The following ATXN1 variants were observed in gnomAD, a reference collection of about 807,000 sequenced individuals.
The protein encoded by ATXN1 is ataxin 1, also known as ataxin-1.
In ATXN1, 8 loss-of-function variants were observed where a neutral mutation model predicts 56.4. The ratio of observed to expected loss-of-function variants is 0.14; its 90% CI spans 0.08 to 0.26. ATXN1 has a LOEUF of 0.26. Among genes scored for constraint, ATXN1 ranks in the 10% least tolerant of loss-of-function variants. The pLI, the probability that ATXN1 is intolerant of heterozygous loss-of-function variation, is 1.00. For synonymous variants in ATXN1, 514 were observed against 494.6 expected (o/e 1.04, Z -0.52); for missense variants, 987 against 1,106.5 (o/e 0.89, Z 1.53).
chr6:16,674,981 A>C (rs1450193656), intron 2 of ATXN1, among the ~76,000 whole-genome samples: 1 of 152,220 alleles, frequency 6.6e-6, no homozygotes, highest in Non-Finnish European at 1.5e-5. Context: ...ACAAAGCAGT[A>C]AACTGGAAAC....
intron 4 of ATXN1, among the ~76,000 whole-genome samples, chr6:16,552,551 TA>T (rs1313562765): frequency 6.6e-6 from 1 of 152,220 alleles, no homozygotes; most frequent in Non-Finnish European, 1.5e-5. Context: ...TTTCTGGACA[TA>T]GCTTCCAACA....
chr6:16,571,577 G>C (rs1005136236), intron 4 of ATXN1, among the ~76,000 whole-genome samples: 1 of 151,698 alleles, frequency 6.6e-6, no homozygotes, highest in Non-Finnish European at 1.5e-5. Context: ...CTGTAACCTT[G>C]AACTCCTGGG....
At chr6:16,659,009 T>C (rs1369785259) in intron 2 of ATXN1, among the ~76,000 whole-genome samples, 1 of 152,232 alleles carries the variant, frequency 6.6e-6, no homozygotes, top group Non-Finnish European at 1.5e-5. Context: ...CTGTAACTAT[T>C]ACTTTATGGA....
In ATXN1 at chr6:16,758,858, G is replaced by C. The variant is rs763475911; in HGVS notation, c.-730+2440C>G. Reference sequence around the variant, plus strand: ...TAAAATATTGACTGATGCATGCACAGTGAGAGGGCAATCAGAGGAGATTAA... The same window carrying C: ...TAAAATATTGACTGATGCATGCACACTGAGAGGGCAATCAGAGGAGATTAA... On this transcript the variant is annotated intron_variant, in intron 1 of 7. Transcript: ENST00000436367. Among the ~76,000 whole-genome samples the C allele has an allele frequency of 1.6e-3, 241 of 152,344 alleles. 3 individuals are homozygous for C. Among genetic ancestry groups the C allele is most frequent in the Middle Eastern group, 0.014 (4 of 294 alleles).
intron 3 of ATXN1, among the ~76,000 whole-genome samples, chr6:16,625,908 T>C (rs564625543): frequency 1.8e-3 from 281 of 152,318 alleles, no homozygotes; most frequent in African/African-American, 6.5e-3. Context: ...TGAGTGGCAA[T>C]TGACCGGCTG....
At chr6:16,516,315 A>G (rs1243725262) in intron 5 of ATXN1, among the ~76,000 whole-genome samples, 1 of 152,166 alleles carries the variant, frequency 6.6e-6, no homozygotes, top group Non-Finnish European at 1.5e-5. Flanking sequence ...CTTTTACCCT[A>G]CACGTTATCG....
At chr6:16,405,780 T>C (rs1448409371) in intron 6 of ATXN1, among the ~76,000 whole-genome samples, 2 of 152,188 alleles carry the variant, frequency 1.3e-5, no homozygotes, top group Non-Finnish European at 1.5e-5. Context: ...GTGCATACCA[T>C]GTGCGAAGTA....
intron 6 of ATXN1, among the ~76,000 whole-genome samples, chr6:16,424,216 A>T (rs1759095079): frequency 6.6e-6 from 1 of 152,204 alleles, no homozygotes; most frequent in Non-Finnish European, 1.5e-5. Context: ...TTGCTACAAC[A>T]TCATTGCTCC....
intron 5 of ATXN1, among the ~76,000 whole-genome samples, chr6:16,495,854 C>T (rs1760770318): frequency 6.8e-6 from 1 of 147,876 alleles, no homozygotes; most frequent in African/African-American, 2.5e-5. Context: ...CAGAGTGAGA[C>T]TCTCTCTCTC....
chr6:16,560,938 A>C (rs1175491736), intron 4 of ATXN1, among the ~76,000 whole-genome samples: 5 of 152,222 alleles, frequency 3.3e-5, no homozygotes, highest in African/African-American at 1.2e-4. Flanking sequence ...ATGAAAAAAC[A>C]ACCTCTTGTT....
At chr6:16,673,377 C>T (rs1758587612) in intron 2 of ATXN1, among the ~76,000 whole-genome samples, 1 of 152,074 alleles carries the variant, frequency 6.6e-6, no homozygotes, top group Non-Finnish European at 1.5e-5. Context: ...GGATATGGCC[C>T]GGGTAGTTTA....
At chr6:16,534,030 T>C (rs1761551820) in intron 4 of ATXN1, among the ~76,000 whole-genome samples, 1 of 152,038 alleles carries the variant, frequency 6.6e-6, no homozygotes, top group South Asian at 2.1e-4. Flanking sequence ...TTGGTAAGAA[T>C]CAGAAGATAC....
In ATXN1 at chr6:16,618,407, A is replaced by G. The variant is rs535816636; in HGVS notation, c.-488-32500T>C. Reference sequence around the variant, plus strand: ...ACAAACCTGCAAGTTCTGCACGTGTATCCCAGAACTTAAAGTAAAACAAAC... The same window carrying G: ...ACAAACCTGCAAGTTCTGCACGTGTGTCCCAGAACTTAAAGTAAAACAAAC... On this transcript the variant is annotated intron_variant, in intron 3 of 7. Coordinates refer to ENST00000436367, the MANE Select transcript of ATXN1 (RefSeq NM_001128164.2). Among the ~76,000 whole-genome samples the G allele has an allele frequency of 2.8e-4, 42 of 152,320 alleles. 1 individual carries two copies. The highest frequency in any genetic ancestry group is 3.4e-3 in the Middle Eastern group (1 of 294).
chr6:16,718,899 A>G (rs1276722369), intron 2 of ATXN1, among the ~76,000 whole-genome samples: 1 of 152,254 alleles, frequency 6.6e-6, no homozygotes. Flanking sequence ...GGATTCATTA[A>G]GTGAAGGTAT....
intron 6 of ATXN1, among the ~76,000 whole-genome samples, chr6:16,345,110 T>C (rs1761348341): frequency 6.6e-6 from 1 of 152,250 alleles, no homozygotes. Flanking sequence ...AAAGGATTTC[T>C]GGATCATTTT....
intron 3 of ATXN1, among the ~76,000 whole-genome samples, chr6:16,594,684 T>A (rs904983657): frequency 6.6e-6 from 1 of 152,130 alleles, no homozygotes; most frequent in South Asian, 2.1e-4. Flanking sequence ...GGTTTCACTA[T>A]GTTGGCCAGG....
intron 3 of ATXN1, chr6:16,615,961 A>T (rs751682344): frequency 3.3e-5 from 5 of 152,070 alleles, no homozygotes; most frequent in South Asian, 4.1e-4. Context: ...TGAGCCTGGG[A>T]GGCAGAGGTT....
At chr6:16,308,018 G>GT (rs1346958014) in intron 7 of ATXN1, among the ~76,000 whole-genome samples, 1 of 152,136 alleles carries the variant, frequency 6.6e-6, no homozygotes. Context: ...GCCAGGTGTG[G>GT]TGGTGGGCCC....
intron 6 of ATXN1, among the ~76,000 whole-genome samples, chr6:16,382,568 G>C (rs1419698633): frequency 6.6e-6 from 1 of 152,126 alleles, no homozygotes; most frequent in Non-Finnish European, 1.5e-5. Flanking sequence ...TGGGGTGAGA[G>C]AACAGGAATA....
Sources: gnomAD v4.1 joint callset for allele counts (sites outside exome capture counted in the v4.1 genomes callset) on GRCh38, gnomAD v4.1.1 for gene constraint, MANE v1.5 for transcripts, NCBI Gene and HGNC (gene_info 2026-07-23, HGNC 2026-07-21) for gene names.